Variants in RAPH1 observed in about 807,000 individuals in gnomAD.
RAPH1 encodes the protein Ras association (RalGDS/AF-6) and pleckstrin homology domains 1, also known as ras-associated and pleckstrin homology domains-containing protein 1.
Under a neutral mutation model 88.1 loss-of-function variants are expected in RAPH1, and 18 were observed. That is an observed-to-expected ratio of 0.20 (90% confidence interval 0.14 to 0.30). The LOEUF (loss-of-function observed/expected upper bound fraction) is 0.30, where lower values mean the gene tolerates loss of function less well. Among genes scored for constraint, RAPH1 ranks in the 10% least tolerant of loss-of-function variants. RAPH1 has a pLI of 1.00. For missense variants in RAPH1, 1,448 were observed against 1,543.2 expected (o/e 0.94, Z 1.03); for synonymous variants, 587 against 559.0 (o/e 1.05, Z -0.71).
intron 4 of RAPH1, among the ~76,000 whole-genome samples, chr2:203,476,676 G>C (rs2105763662): frequency 6.6e-6 from 1 of 152,194 alleles, no homozygotes; most frequent in Middle Eastern, 3.4e-3. Flanking sequence ...AATGACCAAA[G>C]AATAAATTTT....
intron 1 of RAPH1, among the ~76,000 whole-genome samples, chr2:203,522,903 A>G (rs1689954338): frequency 6.6e-6 from 1 of 151,160 alleles, no homozygotes; most frequent in Non-Finnish European, 1.5e-5. Context: ...CTCAAAAAAA[A>G]AAAAAAAAAA....
rs1303718989 is a variant in RAPH1, at chr2:203,435,465, C to T, written c.*3972G>A. On this transcript the variant is annotated 3_prime_UTR_variant, in exon 14 of 14. Coordinates refer to ENST00000319170, the MANE Select transcript of RAPH1 (RefSeq NM_213589.3). ...AATCTCAACTTTGTGAGAGGTCATACATTTCTACAGGGTTAGGAGTACCCT... is the reference window on the plus strand; with the variant it reads ...AATCTCAACTTTGTGAGAGGTCATATATTTCTACAGGGTTAGGAGTACCCT... 2.0e-5 allele frequency: 3 copies of T among 151,226 alleles called. No homozygotes were observed. The highest frequency in any genetic ancestry group is 7.3e-5 in the African/African-American group (3 of 41,024). 9.4% of individuals were successfully genotyped at this position (151,226 alleles called of 1,614,324 possible). A position where few individuals can be genotyped will look rare whatever the true frequency, so the allele number is the denominator to read the frequency against.
chr2:203,441,013 G>T lies in RAPH1; in HGVS notation c.2177C>A (p.Ala726Asp). The T allele has an allele frequency of 8.0e-7, 1 of 1,251,406 alleles. No homozygotes were observed. Among genetic ancestry groups the T allele is most frequent in the Non-Finnish European group, 1.1e-6 (1 of 943,428 alleles). 77.5% of individuals were successfully genotyped at this position (1,251,406 alleles called of 1,614,324 possible). Residue 726 changes from alanine (A) to aspartate (D), a missense_variant, in exon 14 of 14, where the codon GCC becomes GAC. Transcript: ENST00000319170. Reference protein sequence around the residue: ...PPPPTPGSAMAQLKPAPCAPS... With the variant: ...PPPPTPGSAMDQLKPAPCAPS... ...GGCACACGGTGCAGGCTTTAGCTGG[G>T]CCATGGCAGAGCCTGGGGTTGGGGG...
chr2:203,470,339 C>CA (rs752244676), intron 4 of RAPH1: 9 of 1,496,034 alleles, frequency 6.0e-6, no homozygotes, highest in South Asian at 4.8e-5. Flanking sequence ...GAAAAACAAA[C>CA]AAAAAAAGGC....
intron 4 of RAPH1, among the ~76,000 whole-genome samples, chr2:203,473,942 G>A (rs571094268): frequency 1.3e-5 from 2 of 152,126 alleles, no homozygotes; most frequent in Non-Finnish European, 2.9e-5. Context: ...GAGATGCAAA[G>A]GTGACCAAGA....
intron 1 of RAPH1, among the ~76,000 whole-genome samples, chr2:203,508,859 G>A (rs919383945): frequency 6.6e-6 from 1 of 152,020 alleles, no homozygotes; most frequent in Admixed American, 6.6e-5. Context: ...AAATTAATAC[G>A]TTTAGTCTAA....
chr2:203,453,806 GTTT>G (rs1197883562), intron 10 of RAPH1, among the ~76,000 whole-genome samples: 2 of 151,666 alleles, frequency 1.3e-5, no homozygotes, highest in Admixed American at 6.6e-5. Context: ...TTTGTATGTC[GTTT>G]TTATCAGTGT....
rs1553634686 is a variant in RAPH1 at position 203,535,256 on chromosome 2, C to CAGTGACTGACTG, written c.-158_-147dup. 5 of 135,288 alleles carry CAGTGACTGACTG rather than the reference C, an allele frequency of 3.7e-5. No individual in the cohort carries two copies. The highest frequency in any genetic ancestry group is 8.1e-5 in the Non-Finnish European group (5 of 61,570). The allele number at this position is 135,288 out of a possible 1,614,324, so 8.4% of individuals were successfully genotyped here. ...GCCAGCAGCTCCCGCGCCGCGCGCT[C>CAGTGACTGACTG]AGTGACTGACTGACTGACTGACTGA... On this transcript the variant is annotated 5_prime_UTR_variant, in exon 1 of 14. Transcript: ENST00000319170.
chr2:203,458,617 A>C (rs1004764257), intron 7 of RAPH1, among the ~76,000 whole-genome samples: 2 of 152,196 alleles, frequency 1.3e-5, no homozygotes, highest in African/African-American at 4.8e-5. Context: ...AATTTGCATG[A>C]ATTCAATGCA....
chr2:203,458,075 A>G (rs2098521232), intron 7 of RAPH1, among the ~76,000 whole-genome samples: 2 of 152,146 alleles, frequency 1.3e-5, no homozygotes, highest in Admixed American at 6.5e-5. Flanking sequence ...TGACTCAACT[A>G]AAAATCTGAA....
chr2:203,483,236 A>C (rs1297969543), intron 4 of RAPH1, among the ~76,000 whole-genome samples: 1 of 152,206 alleles, frequency 6.6e-6, no homozygotes, highest in Non-Finnish European at 1.5e-5. Context: ...TGGATGATAG[A>C]CTGTTAAGGG....
rs550108019 is a variant in RAPH1 at position 203,494,585 on chromosome 2, G to T, written c.120+649C>A. ...GCACTTTGGGAGGCTGAGGTGGGCA[G>T]ATCACGAGGTCAGGAGATCGAGACC... On this transcript the variant is annotated intron_variant, in intron 2 of 13. Coordinates refer to ENST00000319170, the MANE Select transcript of RAPH1 (RefSeq NM_213589.3). Among the ~76,000 whole-genome samples the T allele has an allele frequency of 6.4e-4, 97 of 152,178 alleles. 1 individual carries two copies. The highest frequency in any genetic ancestry group is 2.2e-3 in the African/African-American group (92 of 41,528).
intron 1 of RAPH1, among the ~76,000 whole-genome samples, chr2:203,506,856 C>CGA (rs1689084979): frequency 6.5e-5 from 2 of 30,776 alleles, no homozygotes; most frequent in Non-Finnish European, 1.1e-4. Context: ...CTATCTATAT[C>CGA]TATATATATA....
Position 203,436,405 on chromosome 2 carries a change from G to A in RAPH1, c.*3032C>T, listed in dbSNP as rs1177928726. 2.0e-5 allele frequency: 3 copies of A among 152,144 alleles called. No homozygotes were observed. The East Asian group carries it at 5.8e-4, about 29-fold the overall frequency. The allele number at this position is 152,144 out of a possible 1,614,324, so 9.4% of individuals were successfully genotyped here. On this transcript the variant is annotated 3_prime_UTR_variant, in exon 14 of 14. Coordinates refer to ENST00000319170, the MANE Select transcript of RAPH1 (RefSeq NM_213589.3). Reference sequence around the variant, plus strand: ...AGAGAATTACAGCGTCTAAGGGGGGGAAAGAAAGCATCTGAGCAGTAAAAG... The same window carrying A: ...AGAGAATTACAGCGTCTAAGGGGGGAAAAGAAAGCATCTGAGCAGTAAAAG...
intron 1 of RAPH1, among the ~76,000 whole-genome samples, chr2:203,511,431 T>C (rs1689337167): frequency 6.6e-6 from 1 of 152,190 alleles, no homozygotes; most frequent in African/African-American, 2.4e-5. Context: ...AGTATTTTAA[T>C]AGTATTTCTA....
At chr2:203,489,307 C>T (rs1057032239) in intron 4 of RAPH1, among the ~76,000 whole-genome samples, 15 of 152,010 alleles carry the variant, frequency 9.9e-5, no homozygotes, top group Admixed American at 1.3e-4. Context: ...TTTCAAATCA[C>T]GTGAAATGAC....
chr2:203,463,395 A>G (rs2098525785), intron 4 of RAPH1, among the ~76,000 whole-genome samples: 1 of 152,234 alleles, frequency 6.6e-6, no homozygotes, highest in African/African-American at 2.4e-5. Flanking sequence ...AATTCAGTTC[A>G]TAGATTTATT....
At chr2:203,490,305 T>A (rs1581348095) in intron 3 of RAPH1, among the ~76,000 whole-genome samples, 1 of 152,232 alleles carries the variant, frequency 6.6e-6, no homozygotes, top group African/African-American at 2.4e-5. Flanking sequence ...GAATAAATTA[T>A]GAGTTCAAAG....
At chr2:203,492,121 C>T (rs1379347751) in intron 2 of RAPH1, among the ~76,000 whole-genome samples, 1 of 151,604 alleles carries the variant, frequency 6.6e-6, no homozygotes, top group Non-Finnish European at 1.5e-5. Flanking sequence ...GTAATCCCAG[C>T]TACTTGGCAG....
Sources: allele counts gnomAD v4.1 joint callset (sites outside exome capture counted in the v4.1 genomes callset), GRCh38; gene constraint gnomAD v4.1.1; transcripts MANE v1.5; gene names NCBI Gene and HGNC (gene_info 2026-07-23, HGNC 2026-07-21).